Variants in NKAIN3 observed in about 807,000 individuals in gnomAD.
The protein encoded by NKAIN3 is sodium/potassium-transporting ATPase subunit beta-1-interacting protein 3.
NKAIN3 carries 25 observed loss-of-function variants against 30.2 expected under a neutral mutation model. The ratio of observed to expected loss-of-function variants is 0.83; its 90% CI spans 0.60 to 1.16. The LOEUF is 1.16. Among genes scored for constraint, NKAIN3 ranks in the 50% most tolerant of loss-of-function variants. The probability of loss-of-function intolerance (pLI) is 0.00; values close to 1 mark genes in which losing one functional copy is unlikely to be tolerated. For missense variants in NKAIN3, 225 were observed against 254.1 expected (o/e 0.89, Z 0.78); for synonymous variants, 91 against 89.6 (o/e 1.02, Z -0.09).
chr8:62,738,948 A>T (rs1815771383), intron 3 of NKAIN3, among the ~76,000 whole-genome samples: 1 of 152,206 alleles, frequency 6.6e-6, no homozygotes, highest in African/African-American at 2.4e-5. Flanking sequence ...AAAAAGGATG[A>T]GTTCATGTCC....
intron 3 of NKAIN3, among the ~76,000 whole-genome samples, chr8:62,664,245 G>A (rs1813030164): frequency 6.6e-6 from 1 of 151,672 alleles, no homozygotes; most frequent in African/African-American, 2.4e-5. Context: ...TTAAGATGGA[G>A]CTATAAAAGC....
intron 4 of NKAIN3, among the ~76,000 whole-genome samples, chr8:62,771,765 A>C (rs1817019296): frequency 6.6e-6 from 1 of 152,026 alleles, no homozygotes; most frequent in Non-Finnish European, 1.5e-5. Flanking sequence ...ATTCTTTTTT[A>C]TTTTTTATTT....
chr8:62,472,524 G>A (rs552207969), intron 1 of NKAIN3, among the ~76,000 whole-genome samples: 1 of 152,268 alleles, frequency 6.6e-6, no homozygotes, highest in South Asian at 2.1e-4. Flanking sequence ...CCTCAACTTA[G>A]TAGGGTACAT....
intron 1 of NKAIN3, among the ~76,000 whole-genome samples, chr8:62,570,413 G>A (rs868854567): frequency 1.3e-5 from 2 of 152,072 alleles, no homozygotes; most frequent in Admixed American, 6.6e-5. Flanking sequence ...AGACATACTC[G>A]AGACAGGGCA....
At chr8:62,281,995 T>G (rs1244518067) in intron 1 of NKAIN3, among the ~76,000 whole-genome samples, 52 of 24,154 alleles carry the variant, frequency 2.2e-3, no homozygotes, top group Middle Eastern at 0.018. Flanking sequence ...TCAAGTTATC[T>G]TTTTTTTTTT....
At chr8:62,623,402 TA>T (rs1811682100) in intron 3 of NKAIN3, among the ~76,000 whole-genome samples, 1 of 152,130 alleles carries the variant, frequency 6.6e-6, no homozygotes, top group Non-Finnish European at 1.5e-5. Flanking sequence ...TGTATTTGTT[TA>T]CAAGAATAAT....
chr8:62,780,624 G>C (rs1308741016), intron 4 of NKAIN3, among the ~76,000 whole-genome samples: 1 of 151,986 alleles, frequency 6.6e-6, no homozygotes, highest in Non-Finnish European at 1.5e-5. Context: ...ATGAAGAAAT[G>C]GTTCAAAATA....
chr8:62,604,437 C>G (rs1207971433), intron 3 of NKAIN3, among the ~76,000 whole-genome samples: 1 of 152,134 alleles, frequency 6.6e-6, no homozygotes, highest in Non-Finnish European at 1.5e-5. Context: ...TATATTGAAA[C>G]ATCCAGCTGT....
intron 4 of NKAIN3, among the ~76,000 whole-genome samples, chr8:62,811,803 T>C (rs557259826): frequency 6.6e-6 from 1 of 152,164 alleles, no homozygotes; most frequent in African/African-American, 2.4e-5. Flanking sequence ...GGTTTGTAAA[T>C]ATTTTCTCAA....
chr8:62,679,617 A>G (rs1813589779), intron 3 of NKAIN3, among the ~76,000 whole-genome samples: 1 of 152,154 alleles, frequency 6.6e-6, no homozygotes, highest in African/African-American at 2.4e-5. Context: ...GAAATTTGGA[A>G]TCATGACAGA....
At chr8:62,480,313 T>C (rs1806672609) in intron 1 of NKAIN3, among the ~76,000 whole-genome samples, 1 of 152,152 alleles carries the variant, frequency 6.6e-6, no homozygotes, top group Non-Finnish European at 1.5e-5. Context: ...CTATGTTAAT[T>C]AGTGCAATGT....
intron 4 of NKAIN3, among the ~76,000 whole-genome samples, chr8:62,894,320 AG>A: frequency 6.6e-6 from 1 of 152,318 alleles, no homozygotes. Flanking sequence ...TTTAGTGAAA[AG>A]AAAATATCAC....
chr8:62,502,228 T>C (rs1184505380), intron 1 of NKAIN3, among the ~76,000 whole-genome samples: 1 of 152,176 alleles, frequency 6.6e-6, no homozygotes, highest in African/African-American at 2.4e-5. Context: ...TATTTTATTC[T>C]CCTTGCCCTT....
At chr8:62,537,900 A>G (rs776704647) in intron 1 of NKAIN3, among the ~76,000 whole-genome samples, 3 of 152,108 alleles carry the variant, frequency 2.0e-5, no homozygotes, top group Non-Finnish European at 2.9e-5. Context: ...GTGCAGGAGA[A>G]TATTTACTTT....
At chr8:62,315,853 C>T (rs1445930488) in intron 1 of NKAIN3, among the ~76,000 whole-genome samples, 1 of 152,174 alleles carries the variant, frequency 6.6e-6, no homozygotes, top group Non-Finnish European at 1.5e-5. Context: ...AATGTGCCTG[C>T]ACAAAACAAT....
At chr8:62,882,297 G>A (rs1039570284) in intron 4 of NKAIN3, among the ~76,000 whole-genome samples, 1 of 151,952 alleles carries the variant, frequency 6.6e-6, no homozygotes, top group African/African-American at 2.4e-5. Flanking sequence ...TGTTTTTGGT[G>A]TTGTATTTAT....
At chr8:62,420,999 G>A (rs983321519) in intron 1 of NKAIN3, among the ~76,000 whole-genome samples, 1 of 152,128 alleles carries the variant, frequency 6.6e-6, no homozygotes, top group African/African-American at 2.4e-5. Flanking sequence ...ACTATATCGG[G>A]TCTTAAACAT....
rs560075035 is a variant in NKAIN3, at chr8:62,380,373, A to G, written c.54+131246A>G. On this transcript the variant is annotated intron_variant, in intron 1 of 6. Coordinates refer to ENST00000623646, the MANE Select transcript of NKAIN3 (RefSeq NM_001304533.3). ...GTCCCTCATGGAATGTCACTCTTGT[A>G]TACATAATGGGCTTTTTCATCTCTT... 5.3e-5 allele frequency among the ~76,000 whole-genome samples: 8 copies of G among 152,314 alleles called. No individual in the cohort carries two copies. In the East Asian group the frequency reaches 5.8e-4, roughly 11 times the overall value.
At chr8:62,461,813 A>G (rs2129599534) in intron 1 of NKAIN3, among the ~76,000 whole-genome samples, 1 of 152,332 alleles carries the variant, frequency 6.6e-6, no homozygotes, top group African/African-American at 2.4e-5. Flanking sequence ...GCAGAGCCTC[A>G]GATGCCTGTG....
Sources: allele counts gnomAD v4.1 joint callset (sites outside exome capture counted in the v4.1 genomes callset), GRCh38; gene constraint gnomAD v4.1.1; transcripts MANE v1.5; gene names NCBI Gene and HGNC (gene_info 2026-07-23, HGNC 2026-07-21).